EPHA7: variants seen among roughly 807,000 people sequenced by gnomAD.
EPHA7 encodes ephrin type-A receptor 7.
In EPHA7, 25 loss-of-function variants were observed where a neutral mutation model predicts 112.6. The ratio of observed to expected loss-of-function variants is 0.22; its 90% CI spans 0.16 to 0.31. The LOEUF is 0.31. Ranked by LOEUF, EPHA7 falls within the 10% of genes least tolerant of loss-of-function variation. The pLI is 1.00. For synonymous variants in EPHA7, 437 were observed against 406.5 expected (o/e 1.07, Z -0.90); for missense variants, 962 against 1,212.6 (o/e 0.79, Z 3.07).
chr6:93,255,741 C>A, intron 13 of EPHA7, 87 bp downstream of exon 13: 2 of 1,193,206 alleles, frequency 1.7e-6, no homozygotes, highest in Non-Finnish European at 2.4e-6. Context: ...TTCATTTCTC[C>A]TGTTTAGTTT....
rs576500419 is a variant in EPHA7 at position 93,398,967 on chromosome 6, C to T, written c.832+11534G>A. 1.3e-4 allele frequency among the ~76,000 whole-genome samples: 20 copies of T among 152,198 alleles called. No homozygotes were observed. The South Asian group carries it at 2.5e-3, about 19-fold the overall frequency. ...TCTTGAGCCACGTGTTTTCCCAGTT[C>T]CAGCTCACAGCCTGAATGTCTAAGC... On this transcript the variant is annotated intron_variant, in intron 3 of 16. Transcript: ENST00000369303.
chr6:93,381,034 C>G (rs747343373), intron 3 of EPHA7, among the ~76,000 whole-genome samples: 1 of 152,066 alleles, frequency 6.6e-6, no homozygotes, highest in Non-Finnish European at 1.5e-5. Context: ...GCAATGCCTC[C>G]TGAATATTTT....
At chr6:93,282,683 C>T (rs977584829) in intron 5 of EPHA7, among the ~76,000 whole-genome samples, 2 of 151,984 alleles carry the variant, frequency 1.3e-5, no homozygotes, top group African/African-American at 4.8e-5. Flanking sequence ...CTGCGCACAG[C>T]GCTTGCGGGC....
intron 3 of EPHA7, among the ~76,000 whole-genome samples, chr6:93,403,357 G>T (rs1201684563): frequency 3.3e-5 from 3 of 90,584 alleles, no homozygotes. Context: ...TGGCGGGTAG[G>T]TAAAAAAAAA....
intron 5 of EPHA7, among the ~76,000 whole-genome samples, chr6:93,344,481 A>G (rs1582560008): frequency 6.6e-6 from 1 of 151,794 alleles, no homozygotes; most frequent in East Asian, 1.9e-4. Flanking sequence ...TCTCTGTCTT[A>G]AAGTCTTTAC....
At chr6:93,299,198 C>A (rs921675399) in intron 5 of EPHA7, among the ~76,000 whole-genome samples, 1 of 151,806 alleles carries the variant, frequency 6.6e-6, no homozygotes, top group African/African-American at 2.4e-5. Flanking sequence ...TGGTGGCGGG[C>A]GCCTGTAGTC....
chr6:93,263,830 C>T (rs1379759411), intron 9 of EPHA7, 30 bp downstream of exon 9: 9 of 1,591,810 alleles, frequency 5.7e-6, no homozygotes, highest in African/African-American at 2.7e-5. Context: ...AATAGGGGTA[C>T]ATCATAATAA....
intron 3 of EPHA7, among the ~76,000 whole-genome samples, chr6:93,381,543 C>T (rs1446903346): frequency 6.6e-6 from 1 of 152,056 alleles, no homozygotes; most frequent in African/African-American, 2.4e-5. Context: ...ATAATTAACA[C>T]ATGTATCTAT....
intron 5 of EPHA7, among the ~76,000 whole-genome samples, chr6:93,275,601 T>C (rs962456071): frequency 1.4e-5 from 1 of 73,036 alleles, no homozygotes; most frequent in Non-Finnish European, 3.0e-5. Context: ...CAAATGACAA[T>C]GACAAGAAGA....
intron 14 of EPHA7, among the ~76,000 whole-genome samples, 155 bp downstream of exon 14, chr6:93,254,492 C>A (rs1770349484): frequency 6.6e-6 from 1 of 152,022 alleles, no homozygotes; most frequent in Non-Finnish European, 1.5e-5. Flanking sequence ...TTAGTAGAAC[C>A]ACTAATTTAT....
rs1179028901 is a variant in EPHA7 at position 93,246,943 on chromosome 6, T to C, written c.2575A>G (p.Met859Val). 1.2e-5 allele frequency: 20 copies of C among 1,609,734 alleles called. No individual in the cohort carries two copies. The highest frequency in any genetic ancestry group is 1.7e-5 in the Non-Finnish European group (20 of 1,176,594). The change falls in exon 15 of 17, where the codon ATG becomes GTG. Residue 859 changes from methionine (M) to valine (V), a missense_variant. Transcript: ENST00000369303. ...IEEGYRLPAPMDCPAGLHQLM... is the reference protein window; with the variant it reads ...IEEGYRLPAPVDCPAGLHQLM... ...TGGTGAAGGCCAGCTGGGCAGTCCA[T>C]GGGTGCTGGTAAACGATAACCTTCT... is the stretch of plus-strand genomic sequence containing the variant.
chr6:93,293,069 A>G (rs9452291), intron 5 of EPHA7, among the ~76,000 whole-genome samples: 68,771 of 151,740 alleles, frequency 0.45, 16,445 homozygotes, highest in South Asian at 0.7. Context: ...CTTTTTTCTA[A>G]TATTAAGTTA....
chr6:93,240,851 TTTCTC>T lies in EPHA7; in HGVS notation c.*2570_*2574del, dbSNP rs1769660649. The T allele has an allele frequency of 1.4e-5, 3 of 207,960 alleles. No individual in the cohort carries two copies. The Admixed American group carries it at 1.8e-4, about 12-fold the overall frequency. 12.9% of individuals were successfully genotyped at this position (207,960 alleles called of 1,614,324 possible). A position where few individuals can be genotyped will look rare whatever the true frequency, so the allele number is the denominator to read the frequency against. ...AATCAGCATTACAATGTTAATTCTT[TTTCTC>T]TTAATATTTGTTTCACATACATGTA... On this transcript the variant is annotated 3_prime_UTR_variant, in exon 17 of 17. Coordinates refer to ENST00000369303, the MANE Select transcript of EPHA7 (RefSeq NM_004440.4).
intron 5 of EPHA7, among the ~76,000 whole-genome samples, chr6:93,348,922 T>C (rs181353656): frequency 6.6e-6 from 1 of 151,908 alleles, no homozygotes; most frequent in African/African-American, 2.4e-5. Context: ...AGATAAACTT[T>C]TCACAACTAA....
At chr6:93,317,759 A>AT (rs1773882064) in intron 5 of EPHA7, among the ~76,000 whole-genome samples, 1 of 152,136 alleles carries the variant, frequency 6.6e-6, no homozygotes, top group Admixed American at 6.5e-5. Flanking sequence ...AAAGGCAGAA[A>AT]TCCTTGGTTG....
At chr6:93,390,704 G>C (rs1431542398) in intron 3 of EPHA7, among the ~76,000 whole-genome samples, 1 of 151,750 alleles carries the variant, frequency 6.6e-6, no homozygotes, top group Non-Finnish European at 1.5e-5. Context: ...TGTTACTTTG[G>C]CATTTTTAAA....
chr6:93,283,289 A>G (rs1771865652), intron 5 of EPHA7, among the ~76,000 whole-genome samples: 1 of 152,124 alleles, frequency 6.6e-6, no homozygotes, highest in Non-Finnish European at 1.5e-5. Context: ...AAACACACCA[A>G]TCAGCACCCT....
Position 93,368,051 on chromosome 6 carries a change from C to T in EPHA7, c.833-9640G>A, listed in dbSNP as rs147156960. On this transcript the variant is annotated intron_variant, in intron 3 of 16. Coordinates refer to ENST00000369303, the MANE Select transcript of EPHA7 (RefSeq NM_004440.4). ...ACTGTGTATCTATTACTGTGTCAGG[C>T]AGGCAATGTACCAAAAAGGTATATC... Among the ~76,000 whole-genome samples, 160 of 152,182 alleles carry T rather than the reference C, an allele frequency of 1.1e-3. 1 individual carries two copies. Among genetic ancestry groups the T allele is most frequent in the African/African-American group, 3.7e-3 (153 of 41,544 alleles).
intron 5 of EPHA7, among the ~76,000 whole-genome samples, chr6:93,288,509 A>G (rs544529477): frequency 6.6e-6 from 1 of 152,340 alleles, no homozygotes; most frequent in Non-Finnish European, 1.5e-5. Flanking sequence ...ATTTATTAAA[A>G]TCACTGAATT....
Sources: gnomAD v4.1 joint callset for allele counts (sites outside exome capture counted in the v4.1 genomes callset) on GRCh38, gnomAD v4.1.1 for gene constraint, MANE v1.5 for transcripts, NCBI Gene and HGNC (gene_info 2026-07-23, HGNC 2026-07-21) for gene names.